Variants in FANCB observed in about 807,000 individuals in gnomAD.
FANCB encodes Fanconi anemia group B protein.
FANCB carries 5 observed loss-of-function variants against 38.9 expected under a neutral mutation model. The observed-to-expected ratio is 0.13, with a 90% CI of 0.07 to 0.27. The LOEUF is 0.27. Ranked by LOEUF, FANCB falls within the 10% of genes least tolerant of loss-of-function variation. The pLI is 1.00. For synonymous variants in FANCB, 236 were observed against 215.4 expected (o/e 1.10, Z -0.84); for missense variants, 573 against 602.7 (o/e 0.95, Z 0.52).
At chrX:14,752,249 C>G in the FANCB span, among the ~76,000 whole-genome samples, 1 of 111,939 alleles carries the variant, frequency 8.9e-6, no homozygotes, top group Non-Finnish European at 1.9e-5. Context: ...GGGGTAACTA[C>G]AGGTAATAAC....
chrX:14,850,263 T>C (rs2092395140), intron 7 of FANCB, among the ~76,000 whole-genome samples: 1 of 111,705 alleles, frequency 9.0e-6, no homozygotes, highest in East Asian at 2.8e-4. Context: ...GGCATAAGAA[T>C]TGCTTGATCC....
At chrX:14,689,858 T>C in the FANCB span, among the ~76,000 whole-genome samples, 3 of 112,095 alleles carry the variant, frequency 2.7e-5, no homozygotes, top group Non-Finnish European at 5.6e-5. Flanking sequence ...TCGAGTGAGA[T>C]GAGGGGCATT....
chrX:14,804,628 G>A, the FANCB span, among the ~76,000 whole-genome samples: 4 of 110,341 alleles, frequency 3.6e-5, no homozygotes, highest in African/African-American at 1.3e-4. Flanking sequence ...AAAACTTAAA[G>A]TATAATAAAA....
the FANCB span, among the ~76,000 whole-genome samples, chrX:14,813,216 A>G: frequency 9.2e-6 from 1 of 108,175 alleles, no homozygotes; most frequent in Non-Finnish European, 1.9e-5. Flanking sequence ...ATCATACTGA[A>G]TGGGCAAAAA....
the FANCB span, among the ~76,000 whole-genome samples, chrX:14,725,391 T>C: frequency 9.0e-6 from 1 of 110,896 alleles, no homozygotes; most frequent in Non-Finnish European, 1.9e-5. Flanking sequence ...TGGACACATA[T>C]TGCTTCCTAA....
At chrX:14,734,589 T>A in the FANCB span, among the ~76,000 whole-genome samples, 1 of 112,285 alleles carries the variant, frequency 8.9e-6, no homozygotes, top group African/African-American at 3.2e-5. Flanking sequence ...TTTAGAGAGA[T>A]CCACTGTTAG....
chrX:14,816,975 T>C, the FANCB span, among the ~76,000 whole-genome samples: 1 of 112,189 alleles, frequency 8.9e-6, no homozygotes, highest in Non-Finnish European at 1.9e-5. Flanking sequence ...CACTACCTAC[T>C]ATTTTCTCTC....
downstream of FANCB, among the ~76,000 whole-genome samples, chrX:14,842,719 T>A (rs1311270064): frequency 8.9e-6 from 1 of 112,246 alleles, no homozygotes; most frequent in Admixed American, 9.4e-5. Context: ...GTTAGAATTT[T>A]AAATTTTAAT....
At chrX:14,693,430 T>C in the FANCB span, among the ~76,000 whole-genome samples, 1 of 111,525 alleles carries the variant, frequency 9.0e-6, no homozygotes, top group East Asian at 2.8e-4. Flanking sequence ...GTGATTACTA[T>C]AGATATGTCT....
chrX:14,736,764 C>A, the FANCB span, among the ~76,000 whole-genome samples: 3 of 112,144 alleles, frequency 2.7e-5, no homozygotes, highest in Non-Finnish European at 5.6e-5. Context: ...AAGCTTGAAG[C>A]AGTTGTACAG....
At chrX:14,731,904 T>TTTAAG in the FANCB span, 2 of 111,606 alleles carry the variant, frequency 1.8e-5, no homozygotes, top group Admixed American at 1.9e-4. Context: ...CTTATTATAC[T>TTTAAG]TTAAGTTCTG....
the FANCB span, among the ~76,000 whole-genome samples, chrX:14,696,924 G>C: frequency 8.9e-6 from 1 of 111,776 alleles, no homozygotes; most frequent in Non-Finnish European, 1.9e-5. Flanking sequence ...TTAAGTCTTG[G>C]GGGGAGTTGA....
rs746293753 is a variant in FANCB, at chrX:14,843,750, C to T, written c.2397G>A (p.Ala799=). The part of the protein sequence containing the change: ...EVSKGKSSVV[A]AALSDRRENI... ...TTTCCCTTCTGTCTGATAAAGCAGCCGCGACGACACTACTCTTTCCTTTGC... is the reference window on the plus strand; with the variant it reads ...TTTCCCTTCTGTCTGATAAAGCAGCTGCGACGACACTACTCTTTCCTTTGC... The change falls in exon 10 of 10, where the codon GCG becomes GCA. Residue 799 remains alanine (A), a synonymous_variant. Coordinates refer to ENST00000650831, the MANE Select transcript of FANCB (RefSeq NM_001018113.3). 1.5e-5 allele frequency: 18 copies of T among 1,210,923 alleles called. No individual in the cohort carries two copies. Among genetic ancestry groups the T allele is most frequent in the Non-Finnish European group, 1.9e-5 (17 of 895,191 alleles).
At chrX:14,724,652 A>AAAAAAAAAAAAAAAAAAAAAAT in the FANCB span, among the ~76,000 whole-genome samples, 1 of 100,229 alleles carries the variant, frequency 1.0e-5, no homozygotes, top group African/African-American at 3.8e-5. Flanking sequence ...AAAAAAAAAA[A>AAAAAAAAAAAAAAAAAAAAAAT]CAAGAAGAAG....
chrX:14,815,142 AG>A, the FANCB span, among the ~76,000 whole-genome samples: 1 of 110,612 alleles, frequency 9.0e-6, no homozygotes, highest in Non-Finnish European at 1.9e-5. Context: ...GACACAGGGC[AG>A]GGAACACCAC....
the FANCB span, among the ~76,000 whole-genome samples, chrX:14,723,117 T>C: frequency 8.9e-6 from 1 of 112,317 alleles, no homozygotes; most frequent in African/African-American, 3.2e-5. Flanking sequence ...GAGATCTCTC[T>C]GAGTTACAGA....
chrX:14,820,866 G>A, the FANCB span, among the ~76,000 whole-genome samples: 2 of 111,389 alleles, frequency 1.8e-5, no homozygotes, highest in Non-Finnish European at 3.8e-5. Context: ...TGCTATTTTT[G>A]CAACTCATTG....
At chrX:14,807,271 T>C in the FANCB span, among the ~76,000 whole-genome samples, 1 of 112,504 alleles carries the variant, frequency 8.9e-6, no homozygotes, top group Non-Finnish European at 1.9e-5. Flanking sequence ...CCAACAACTA[T>C]ATGTGAGAAC....
the FANCB span, among the ~76,000 whole-genome samples, chrX:14,746,834 T>C: frequency 8.9e-6 from 1 of 112,193 alleles, no homozygotes; most frequent in South Asian, 3.7e-4. Flanking sequence ...TTCCTGTTCC[T>C]TTGATGTGTT....
Sources: allele counts gnomAD v4.1 joint callset (sites outside exome capture counted in the v4.1 genomes callset), GRCh38; gene constraint gnomAD v4.1.1; transcripts MANE v1.5; gene names NCBI Gene and HGNC (gene_info 2026-07-23, HGNC 2026-07-21).